The following TMEM170B variants were observed in gnomAD, a reference collection of about 807,000 sequenced individuals.
TMEM170B encodes transmembrane protein 170B.
A neutral mutation model predicts 13.0 loss-of-function variants in TMEM170B; 6 were observed. That is an observed-to-expected ratio of 0.46 (90% CI 0.25 to 0.91). The LOEUF (loss-of-function observed/expected upper bound fraction) is 0.91, where lower values mean the gene tolerates loss of function less well. TMEM170B is among the 40% of genes least tolerant of loss of function. The probability of loss-of-function intolerance (pLI) is 0.17; values close to 1 mark genes in which losing one functional copy is unlikely to be tolerated. For missense variants in TMEM170B, 138 were observed against 165.2 expected, an observed-to-expected ratio of 0.84 and a Z score of 0.90; for synonymous variants, 61 against 64.9, an observed-to-expected ratio of 0.94 and a Z score of 0.29.
chr6:11,565,945 AT>A, intron 2 of TMEM170B, 109 bp downstream of exon 2: 1 of 993,492 alleles, frequency 1.0e-6, no homozygotes, highest in Non-Finnish European at 1.6e-6. Context: ...TATGTAGATT[AT>A]TTTTCAACAC....
In TMEM170B at chr6:11,568,915, A is replaced by G. The variant is rs1472033762; in HGVS notation, c.268+3079A>G. Among the ~76,000 whole-genome samples, 3 of 152,066 alleles carry G rather than the reference A, an allele frequency of 2.0e-5. No individual in the cohort carries two copies. In the East Asian group the frequency reaches 5.8e-4, roughly 29 times the overall value. On this transcript the variant is annotated intron_variant, in intron 2 of 2. Coordinates refer to ENST00000379426, the MANE Select transcript of TMEM170B (RefSeq NM_001100829.3). ...TATTTTGAAACTAGAGTGATTTTTCATATAGTGTTTTTAGTTAATACCAGA... is the reference window on the plus strand; with the variant it reads ...TATTTTGAAACTAGAGTGATTTTTCGTATAGTGTTTTTAGTTAATACCAGA...
intron 1 of TMEM170B, among the ~76,000 whole-genome samples, chr6:11,555,331 G>C (rs1759573802): frequency 6.6e-6 from 1 of 151,816 alleles, no homozygotes; most frequent in South Asian, 2.1e-4. Context: ...CTTTATCTTT[G>C]GTTTTCACGC....
At chr6:11,549,632 C>A (rs1759497070) in intron 1 of TMEM170B, among the ~76,000 whole-genome samples, 1 of 150,736 alleles carries the variant, frequency 6.6e-6, no homozygotes, top group Non-Finnish European at 1.5e-5. Flanking sequence ...CACTGCACTC[C>A]AGCCTGGGCG....
chr6:11,539,252 A>G (rs1486183425), intron 1 of TMEM170B, among the ~76,000 whole-genome samples: 1 of 152,342 alleles, frequency 6.6e-6, no homozygotes, highest in Middle Eastern at 3.4e-3. Context: ...CGAGAAAGAG[A>G]TTCAGTTGCG....
At chr6:11,560,224 G>T (rs181231367) in intron 1 of TMEM170B, among the ~76,000 whole-genome samples, 8 of 151,652 alleles carry the variant, frequency 5.3e-5, no homozygotes, top group African/African-American at 1.9e-4. Flanking sequence ...GAGTGCAGTG[G>T]CGTGGTCTTT....
At chr6:11,569,279 G>A (rs1348837768) in intron 2 of TMEM170B, among the ~76,000 whole-genome samples, 2 of 151,878 alleles carry the variant, frequency 1.3e-5, no homozygotes. Context: ...TATCATTTAC[G>A]GAGCAGAAAT....
At chr6:11,553,544 GT>G (rs1416142753) in intron 1 of TMEM170B, among the ~76,000 whole-genome samples, 1 of 151,834 alleles carries the variant, frequency 6.6e-6, no homozygotes, top group African/African-American at 2.4e-5. Context: ...CTACTAGCTA[GT>G]TTTTTTTACT....
At chr6:11,561,418 C>G (rs2113775058) in intron 1 of TMEM170B, among the ~76,000 whole-genome samples, 1 of 152,268 alleles carries the variant, frequency 6.6e-6, no homozygotes, top group Admixed American at 6.5e-5. Context: ...TGTCTTTTTA[C>G]TAGGTGTTCT....
intron 1 of TMEM170B, among the ~76,000 whole-genome samples, chr6:11,560,932 C>T (rs373581801): frequency 1.3e-5 from 2 of 152,224 alleles, no homozygotes; most frequent in East Asian, 1.9e-4. Flanking sequence ...TTTTTAGTGG[C>T]TTGGCAACCA....
intron 1 of TMEM170B, among the ~76,000 whole-genome samples, chr6:11,540,490 T>A (rs1003110496): frequency 1.3e-5 from 2 of 152,176 alleles, no homozygotes; most frequent in Non-Finnish European, 2.9e-5. Flanking sequence ...AACTTTATCA[T>A]GAGATTGCAA....
In TMEM170B at chr6:11,549,524, G is replaced by C. The variant is rs925645293; in HGVS notation, c.97+11150G>C. ...TAAAAATACAAAAAGTTAGCCAGGC[G>C]TAGTGGCGGGCACCTATAGTCCCAG... is the stretch of plus-strand genomic sequence containing the variant. On this transcript the variant is annotated intron_variant, in intron 1 of 2. Transcript: ENST00000379426. Among the ~76,000 whole-genome samples, 5 of 152,020 alleles carry C rather than the reference G, an allele frequency of 3.3e-5. No homozygotes were observed. The East Asian group carries it at 9.6e-4, about 29-fold the overall frequency.
intron 1 of TMEM170B, among the ~76,000 whole-genome samples, chr6:11,558,643 A>G (rs990681214): frequency 6.6e-6 from 1 of 152,060 alleles, no homozygotes; most frequent in African/African-American, 2.4e-5. Flanking sequence ...CTCCAACATG[A>G]TTATCTAATT....
intron 1 of TMEM170B, among the ~76,000 whole-genome samples, chr6:11,552,217 T>C (rs1759534803): frequency 6.6e-6 from 1 of 152,238 alleles, no homozygotes; most frequent in Non-Finnish European, 1.5e-5. Context: ...ATCTTAACGA[T>C]GTATAATAGT....
intron 1 of TMEM170B, among the ~76,000 whole-genome samples, chr6:11,543,135 G>C (rs530648211): frequency 2.4e-4 from 36 of 152,124 alleles, no homozygotes; most frequent in African/African-American, 8.0e-4. Flanking sequence ...TTTCAATTAC[G>C]TTATAATTTG....
chr6:11,538,283 G>C lies in TMEM170B; in HGVS notation c.6G>C (p.Lys2Asn). M[K>N]AEGGDHSMIN... is the part of the protein sequence containing the mutation. ...GCGGGCGCCCCTCGGGGAAGATGAA[G>C]GCGGAGGGGGGCGACCACTCCATGA... Residue 2 changes from lysine to asparagine, a missense_variant, in exon 1 of 3, where the codon AAG becomes AAC. Physicochemically the swap from Lys to Asn is moderately conservative, Grantham distance 94. Transcript: ENST00000379426. 7.1e-7 allele frequency: 1 copy of C among 1,406,670 alleles called. No homozygotes were observed. The highest frequency in any genetic ancestry group is 3.1e-5 in the Admixed American group (1 of 32,468). The allele number at this position is 1,406,670 out of a possible 1,614,324, so 87.1% of individuals were successfully genotyped here.
intron 1 of TMEM170B, among the ~76,000 whole-genome samples, chr6:11,539,719 T>C (rs1759335001): frequency 6.6e-6 from 1 of 152,226 alleles, no homozygotes; most frequent in Non-Finnish European, 1.5e-5. Context: ...GACCATCTCA[T>C]GATTCAGTTG....
chr6:11,575,428 T>C lies in TMEM170B; in HGVS notation c.269-3T>C. 1 of 1,613,214 alleles carries C rather than the reference T, an allele frequency of 6.2e-7. No individual in the cohort carries two copies. On this transcript the variant is annotated splice_region_variant and splice_polypyrimidine_tract_variant and intron_variant, in intron 2 of 2. Transcript: ENST00000379426. This position sits in a 1 kb window ranked among gnomAD's most constrained non-coding sequence, Gnocchi z 4.1. ...CCTTCATTTTTCTCCCGTTTCTCCT[T>C]AGGTGCAGCAGTAGCGGGCATTTAC...
chr6:11,550,942 AG>A (rs1453982870), intron 1 of TMEM170B, among the ~76,000 whole-genome samples: 1 of 152,206 alleles, frequency 6.6e-6, no homozygotes, highest in Non-Finnish European at 1.5e-5. Context: ...TCTTTGTATT[AG>A]TTATCTATTG....
rs1759955749 is a variant in TMEM170B, at chr6:11,581,471, C to G, written c.*5910C>G. On this transcript the variant is annotated 3_prime_UTR_variant, in exon 3 of 3. Coordinates refer to ENST00000379426, the MANE Select transcript of TMEM170B (RefSeq NM_001100829.3). ...ACATTTTTACGATTATGTACTGCAC[C>G]CACATGTATCTACTCTTGGTAGTAA... is the stretch of plus-strand genomic sequence containing the variant. 1.3e-5 allele frequency: 2 copies of G among 152,162 alleles called. No individual in the cohort carries two copies. Among genetic ancestry groups the G allele is most frequent in the South Asian group, 4.1e-4 (2 of 4,826 alleles). 9.4% of individuals were successfully genotyped at this position (152,162 alleles called of 1,614,324 possible).
Sources: gnomAD v4.1 joint callset for allele counts (sites outside exome capture counted in the v4.1 genomes callset) on GRCh38, gnomAD v4.1.1 for gene constraint, Gnocchi (gnomAD v3.1) non-coding constraint, MANE v1.5 for transcripts, NCBI Gene and HGNC (gene_info 2026-07-23, HGNC 2026-07-21) for gene names.